Variants in GPC6 observed in about 807,000 individuals in gnomAD.
GPC6 encodes the protein glypican 6.
Under a neutral mutation model 55.2 loss-of-function variants are expected in GPC6, and 14 were observed. The observed-to-expected ratio is 0.25, with a 90% confidence interval of 0.17 to 0.40. The LOEUF is 0.40. GPC6 is among the 10% of genes least tolerant of loss of function. The pLI, the probability that GPC6 is intolerant of heterozygous loss-of-function variation, is 1.00. For missense variants in GPC6, 641 were observed against 708.5 expected (o/e 0.90, Z 1.08); for synonymous variants, 278 against 259.6 (o/e 1.07, Z -0.68).
chr13:93,882,399 G>A (rs1258825338), intron 3 of GPC6, among the ~76,000 whole-genome samples: 1 of 151,864 alleles, frequency 6.6e-6, no homozygotes, highest in African/African-American at 2.4e-5. Context: ...CACCCCTCAG[G>A]CTCCCAAAGT....
intron 2 of GPC6, among the ~76,000 whole-genome samples, chr13:93,604,920 C>CA (rs1418075093): frequency 9.9e-5 from 15 of 152,140 alleles, no homozygotes; most frequent in Non-Finnish European, 2.2e-4. Flanking sequence ...TATTTCAACT[C>CA]AGTGAGGTTT....
intron 4 of GPC6, among the ~76,000 whole-genome samples, chr13:94,066,729 T>C (rs565584843): frequency 6.6e-6 from 1 of 152,200 alleles, no homozygotes; most frequent in Non-Finnish European, 1.5e-5. Flanking sequence ...CATTGTTAAC[T>C]CTGAGAATCC....
At chr13:94,300,495 C>G (rs1288192471) in intron 5 of GPC6, among the ~76,000 whole-genome samples, 1 of 152,196 alleles carries the variant, frequency 6.6e-6, no homozygotes, top group African/African-American at 2.4e-5. Context: ...CCCTTCCTAT[C>G]CTAATGTCAG....
chr13:94,316,785 G>A (rs922002529), intron 6 of GPC6, among the ~76,000 whole-genome samples: 1 of 151,832 alleles, frequency 6.6e-6, no homozygotes, highest in Non-Finnish European at 1.5e-5. Flanking sequence ...TTCAGATCCA[G>A]ACAATATGTA....
intron 1 of GPC6, among the ~76,000 whole-genome samples, chr13:93,493,008 C>A (rs1040079032): frequency 1.1e-5 from 1 of 90,286 alleles, no homozygotes; most frequent in African/African-American, 4.4e-5. Flanking sequence ...CTCTGCCTGG[C>A]TTTGGTATCA....
chr13:94,213,309 T>C (rs1428835674), intron 4 of GPC6, among the ~76,000 whole-genome samples: 1 of 152,136 alleles, frequency 6.6e-6, no homozygotes, highest in African/African-American at 2.4e-5. Context: ...ACAAAAATAA[T>C]CATTATAATT....
intron 2 of GPC6, among the ~76,000 whole-genome samples, chr13:93,702,842 C>A (rs984952873): frequency 7.9e-5 from 12 of 152,112 alleles, no homozygotes; most frequent in African/African-American, 2.6e-4. Flanking sequence ...AGAGTTAAGG[C>A]CTTTCTGTTG....
chr13:93,260,376 G>A (rs556942282), intron 1 of GPC6, among the ~76,000 whole-genome samples: 132 of 152,114 alleles, frequency 8.7e-4, no homozygotes, highest in Non-Finnish European at 1.5e-3. Flanking sequence ...CCTTTCAACT[G>A]AGTTCTATAA....
At chr13:93,962,126 T>C (rs2140384622) in intron 3 of GPC6, among the ~76,000 whole-genome samples, 1 of 152,174 alleles carries the variant, frequency 6.6e-6, no homozygotes, top group East Asian at 1.9e-4. Context: ...TTGAACCATA[T>C]TGCTTACCTG....
chr13:93,873,867 C>A (rs1889207983), intron 3 of GPC6, among the ~76,000 whole-genome samples: 1 of 151,858 alleles, frequency 6.6e-6, no homozygotes, highest in African/African-American at 2.4e-5. Context: ...AATCCTCTTT[C>A]TCTCACTGTG....
At chr13:93,831,491 A>G (rs1396573183) in intron 3 of GPC6, among the ~76,000 whole-genome samples, 1 of 151,802 alleles carries the variant, frequency 6.6e-6, no homozygotes, top group Non-Finnish European at 1.5e-5. Context: ...CTACTTTTCT[A>G]TTGGAGGGCT....
At chr13:93,399,535 C>G (rs1875991473) in intron 1 of GPC6, among the ~76,000 whole-genome samples, 1 of 152,172 alleles carries the variant, frequency 6.6e-6, no homozygotes, top group African/African-American at 2.4e-5. Context: ...TTAATATTTC[C>G]TACGCATACA....
At chr13:93,948,530 A>G (rs1879112837) in intron 3 of GPC6, among the ~76,000 whole-genome samples, 1 of 152,160 alleles carries the variant, frequency 6.6e-6, no homozygotes, top group African/African-American at 2.4e-5. Flanking sequence ...AGATACATCC[A>G]ATGTTAGGTA....
chr13:93,556,943 C>G (rs1875514633), intron 2 of GPC6, among the ~76,000 whole-genome samples: 1 of 151,954 alleles, frequency 6.6e-6, no homozygotes, highest in South Asian at 2.1e-4. Context: ...TCATAGCACA[C>G]TTTGATTCAA....
At chr13:93,669,707 A>G (rs1304518959) in intron 2 of GPC6, among the ~76,000 whole-genome samples, 1 of 152,194 alleles carries the variant, frequency 6.6e-6, no homozygotes, top group Non-Finnish European at 1.5e-5. Context: ...GACATTTCCT[A>G]AGATCCAAGG....
intron 2 of GPC6, among the ~76,000 whole-genome samples, chr13:93,809,680 C>A (rs1321697085): frequency 6.6e-6 from 1 of 152,184 alleles, no homozygotes; most frequent in African/African-American, 2.4e-5. Context: ...GTGCAGGAGG[C>A]AACTGACAGC....
chr13:93,912,170 C>T (rs1877019356), intron 3 of GPC6, among the ~76,000 whole-genome samples: 1 of 152,170 alleles, frequency 6.6e-6, no homozygotes, highest in African/African-American at 2.4e-5. Flanking sequence ...TGAAAATATT[C>T]TACCATTATT....
intron 2 of GPC6, among the ~76,000 whole-genome samples, chr13:93,711,585 A>ATT (rs5805819): frequency 9.4e-4 from 140 of 149,526 alleles, no homozygotes; most frequent in African/African-American, 3.0e-3. Context: ...TCTTTTTTAA[A>ATT]TTTTTTTTTT....
At chr13:94,116,530 C>T (rs527811336) in intron 4 of GPC6, among the ~76,000 whole-genome samples, 2 of 152,110 alleles carry the variant, frequency 1.3e-5, no homozygotes, top group African/African-American at 4.8e-5. Context: ...TAAATATGAC[C>T]ATGTATGGCT....
Sources: gnomAD v4.1 joint callset for allele counts (sites outside exome capture counted in the v4.1 genomes callset) on GRCh38, gnomAD v4.1.1 for gene constraint, MANE v1.5 for transcripts, NCBI Gene and HGNC (gene_info 2026-07-23, HGNC 2026-07-21) for gene names.